SLC12A7: variants seen among roughly 807,000 people sequenced by gnomAD.
The protein encoded by SLC12A7 is solute carrier family 12 member 7.
SLC12A7 carries 100 observed loss-of-function variants against 120.6 expected under a neutral mutation model. The observed-to-expected ratio is 0.83, with a 90% confidence interval of 0.71 to 0.98. The LOEUF is 0.98. SLC12A7 is among the 50% of genes least tolerant of loss of function. The pLI is 0.00. For synonymous variants in SLC12A7, 760 were observed against 678.0 expected, an observed-to-expected ratio of 1.12 and a Z score of -1.88; for missense variants, 1,373 against 1,548.1, an observed-to-expected ratio of 0.89 and a Z score of 1.90.
At chr5:1,090,121 G>A (rs1036109832) in intron 3 of SLC12A7, among the ~76,000 whole-genome samples, 19 of 152,260 alleles carry the variant, frequency 1.2e-4, no homozygotes, top group Admixed American at 1.2e-3. Flanking sequence ...GCCCAGGCCT[G>A]GGGAGGATGG....
In SLC12A7 at chr5:1,062,603, C is replaced by T. The variant is rs926699919; in HGVS notation, c.2739+1241G>A. 6.1e-5 allele frequency among the ~76,000 whole-genome samples: 9 copies of T among 148,592 alleles called. No homozygotes were observed. The South Asian group carries it at 8.8e-4, about 15-fold the overall frequency. On this transcript the variant is annotated intron_variant, in intron 20 of 23. Coordinates refer to ENST00000264930, the MANE Select transcript of SLC12A7 (RefSeq NM_006598.3). ...GAAGGTTGTCGGTGAGGCACGAAGC[C>T]GTGCCTGGCCTCACTCACAGCCCGA...
chr5:1,102,299 CT>C (rs1742099081), intron 1 of SLC12A7, among the ~76,000 whole-genome samples: 1 of 152,208 alleles, frequency 6.6e-6, no homozygotes, highest in Non-Finnish European at 1.5e-5. Context: ...TGGGTAGTTT[CT>C]GCAGGGAGAA....
At chr5:1,091,968 G>A (rs547138616) in intron 3 of SLC12A7, among the ~76,000 whole-genome samples, 2 of 152,304 alleles carry the variant, frequency 1.3e-5, no homozygotes, top group African/African-American at 4.8e-5. Flanking sequence ...GACCCAGCAG[G>A]GGAACCAGAA....
intron 17 of SLC12A7, 56 bp downstream of exon 17, chr5:1,073,577 T>G (rs11750268): frequency 0.013 from 20,749 of 1,541,244 alleles, 184 homozygotes; most frequent in Admixed American, 0.019. Context: ...CAGGGCACGT[T>G]TCCTGTGCAG....
the SLC12A7 span, among the ~76,000 whole-genome samples, chr5:1,122,158 G>A: frequency 6.6e-6 from 1 of 152,190 alleles, no homozygotes; most frequent in African/African-American, 2.4e-5. Context: ...ATGGTGTGGG[G>A]GGACACTGTC....
upstream of SLC12A7, among the ~76,000 whole-genome samples, chr5:1,116,490 G>A (rs530349419): frequency 6.6e-6 from 1 of 152,334 alleles, no homozygotes; most frequent in African/African-American, 2.4e-5. Flanking sequence ...CAGACCATCT[G>A]TGTCTGAGAC....
At chr5:1,061,372 A>C (rs866596452) in intron 20 of SLC12A7, among the ~76,000 whole-genome samples, 3 of 23,710 alleles carry the variant, frequency 1.3e-4, no homozygotes, top group African/African-American at 4.0e-4. Context: ...GGGATCCCTG[A>C]GTCTCACCCG....
At position 1,109,992 on chromosome 5, in the gene SLC12A7, C is replaced by T. The variant is rs527448545; in HGVS notation, c.124+1876G>A. Among the ~76,000 whole-genome samples, 11 of 152,334 alleles carry T rather than the reference C, an allele frequency of 7.2e-5. No individual in the cohort carries two copies. In the South Asian group the frequency reaches 2.1e-3, roughly 29 times the overall value. On this transcript the variant is annotated intron_variant, in intron 1 of 23. Coordinates refer to ENST00000264930, the MANE Select transcript of SLC12A7 (RefSeq NM_006598.3). ...GGGGCTCCGGCTTCTGCAGGACCCC[C>T]GCCCCCAACCACCACCAAAAAGCAA...
At position 1,088,353 on chromosome 5, in the gene SLC12A7, A is replaced by G. The variant is rs1030257331; in HGVS notation, c.497T>C (p.Leu166Pro). ...GATCGCACTCATGGAAATGGCGGTC[A>G]GCATTGTCTGCAAAAAGACAGGCAG... ...IVAMCCTCTM[L>P]TAISMSAIAT... is the part of the protein sequence containing the mutation. The change falls in exon 5 of 24, where the codon CTG becomes CCG. Residue 166 changes from leucine (L) to proline (P), a missense_variant. Transcript: ENST00000264930. 1.3e-6 allele frequency: 2 copies of G among 1,582,288 alleles called. No homozygotes were observed. The highest frequency in any genetic ancestry group is 1.7e-6 in the Non-Finnish European group (2 of 1,164,354).
At chr5:1,097,889 C>T in intron 1 of SLC12A7, among the ~76,000 whole-genome samples, 1 of 151,992 alleles carries the variant, frequency 6.6e-6, no homozygotes, top group East Asian at 1.9e-4. Context: ...CTACGGAGGC[C>T]ACAGCAAGCG....
chr5:1,114,130 C>A (rs1467202780), upstream of SLC12A7, among the ~76,000 whole-genome samples: 1 of 152,200 alleles, frequency 6.6e-6, no homozygotes, highest in Non-Finnish European at 1.5e-5. Flanking sequence ...GAAACTGAGG[C>A]CCAGGAGTTT....
chr5:1,069,995 C>T (rs1737500368), intron 17 of SLC12A7, among the ~76,000 whole-genome samples: 2 of 85,576 alleles, frequency 2.3e-5, no homozygotes, highest in African/African-American at 8.5e-5. Context: ...CTTAACGCAG[C>T]CCCCAGTGAG....
At chr5:1,090,683 A>T (rs1740397042) in intron 3 of SLC12A7, among the ~76,000 whole-genome samples, 1 of 152,188 alleles carries the variant, frequency 6.6e-6, no homozygotes. Flanking sequence ...GACGCGGTCC[A>T]CACAGGGGCC....
At position 1,085,624 on chromosome 5, in the gene SLC12A7, G is replaced by A. The variant is rs1465427088; in HGVS notation, c.676-151C>T. The A allele has an allele frequency of 5.9e-6, 7 of 1,185,678 alleles. No individual in the cohort carries two copies. The South Asian group carries it at 8.0e-5, about 13-fold the overall frequency. The allele number at this position is 1,185,678 out of a possible 1,614,324, so 73.4% of individuals were successfully genotyped here. On this transcript the variant is annotated intron_variant, in intron 6 of 23. Coordinates refer to ENST00000264930, the MANE Select transcript of SLC12A7 (RefSeq NM_006598.3). ...TCCGTGCTGGACGGAGCCCGCGGGG[G>A]TCAGCGCACAGGCAAGGGACGGAGC...
At chr5:1,101,683 T>G (rs980098151) in intron 1 of SLC12A7, among the ~76,000 whole-genome samples, 1 of 152,222 alleles carries the variant, frequency 6.6e-6, no homozygotes, top group Non-Finnish European at 1.5e-5. Context: ...AGACACCCTG[T>G]GCAGCCCTAT....
At chr5:1,095,001 AGGGTCGGTAGGAGGTG>A (rs1483575364) in intron 1 of SLC12A7, among the ~76,000 whole-genome samples, 3 of 43,562 alleles carry the variant, frequency 6.9e-5, no homozygotes, top group African/African-American at 1.7e-4. Context: ...GTTAGAAGAT[AGGGTCGGTAGGAGGTG>A]GGGGCGGTAG....
the SLC12A7 span, among the ~76,000 whole-genome samples, chr5:1,155,333 T>A: frequency 1.3e-5 from 2 of 152,076 alleles, no homozygotes; most frequent in Admixed American, 6.5e-5. Context: ...GCCCCTTTTC[T>A]GCCTGGTCCC....
Position 1,052,430 on chromosome 5 carries a change from AG to A in SLC12A7, c.3181del (p.Leu1061Ter). 1 of 1,612,886 alleles carries A rather than the reference AG, an allele frequency of 6.2e-7. No individual in the cohort carries two copies. Among genetic ancestry groups the A allele is most frequent in the Non-Finnish European group, 8.5e-7 (1 of 1,179,960 alleles). ...DENYMEFLEV[L>X]TEGLNRVLLV... Reference sequence around the variant, plus strand: ...GAGGACTCTGTTCAGCCCCTCGGTCAGGACTTCAAGAAACTCCATGTCTGTG... The same window carrying A: ...GAGGACTCTGTTCAGCCCCTCGGTCAGACTTCAAGAAACTCCATGTCTGTG... On this transcript the variant is annotated frameshift_variant, in exon 24 of 24. Transcript: ENST00000264930. LOFTEE classifies it high-confidence loss of function.
intron 20 of SLC12A7, among the ~76,000 whole-genome samples, chr5:1,061,945 A>G (rs977016180): frequency 6.6e-6 from 1 of 152,140 alleles, no homozygotes; most frequent in Non-Finnish European, 1.5e-5. Flanking sequence ...AACTTTTTTT[A>G]AAAAAATAAA....
Sources: allele counts gnomAD v4.1 joint callset (sites outside exome capture counted in the v4.1 genomes callset), GRCh38; gene constraint gnomAD v4.1.1; transcripts MANE v1.5; gene names NCBI Gene and HGNC (gene_info 2026-07-23, HGNC 2026-07-21).